Variants in NUP188 observed in about 807,000 individuals in gnomAD.
NUP188 encodes nucleoporin NUP188.
NUP188 carries 97 observed loss-of-function variants against 223.0 expected under a neutral mutation model. That is an observed-to-expected ratio of 0.43 (90% CI 0.37 to 0.51). The LOEUF (loss-of-function observed/expected upper bound fraction) is 0.51, where lower values mean the gene tolerates loss of function less well. Among genes scored for constraint, NUP188 ranks in the 20% least tolerant of loss-of-function variants. NUP188 has a pLI of 0.00. For synonymous variants in NUP188, 869 were observed against 828.0 expected, an observed-to-expected ratio of 1.05 and a Z score of -0.85; for missense variants, 1,947 against 2,175.6, an observed-to-expected ratio of 0.89 and a Z score of 2.09.
intron 21 of NUP188, 44 bp downstream of exon 21, chr9:128,986,722 C>T: frequency 6.2e-7 from 1 of 1,613,826 alleles, no homozygotes; most frequent in South Asian, 1.1e-5. Flanking sequence ...TTTCTGGCCC[C>T]ACTGGAGAGC....
At chr9:128,995,917 G>A (rs2131181710) in intron 30 of NUP188, among the ~76,000 whole-genome samples, 1 of 152,306 alleles carries the variant, frequency 6.6e-6, no homozygotes, top group Non-Finnish European at 1.5e-5. Context: ...AGCTGCAGCA[G>A]CACCCTCTCT....
At chr9:128,969,703 G>A (rs906490060) in intron 10 of NUP188, among the ~76,000 whole-genome samples, 189 bp downstream of exon 10, 4 of 152,182 alleles carry the variant, frequency 2.6e-5, no homozygotes, top group African/African-American at 9.6e-5. Context: ...CACCATGCTG[G>A]AATGCAGTGG....
chr9:129,006,013 C>G, intron 41 of NUP188, 37 bp from the exon 42 acceptor site: 1 of 1,609,508 alleles, frequency 6.2e-7, no homozygotes, highest in Non-Finnish European at 8.5e-7. Context: ...GGGAGCTGTT[C>G]CTGTTGTCTT....
At position 128,973,181 on chromosome 9, in the gene NUP188, A is replaced by G. The variant is rs752148727; in HGVS notation, c.1135A>G (p.Met379Val). ...CCAGTGCACCACCAGCACTGCATGC[A>G]TGTGTGTCTATGGACTGCTCTCTTT... ...GNDCTTSTACMCVYGLLSFVL... is the reference protein window; with the variant it reads ...GNDCTTSTACVCVYGLLSFVL... The change falls in exon 12 of 44, where the codon ATG becomes GTG. Residue 379 changes from methionine (M) to valine (V), a missense_variant. Physicochemically the swap from Met to Val is conservative, Grantham distance 21. Transcript: ENST00000372577. 112 of 1,613,356 alleles carry G rather than the reference A, an allele frequency of 6.9e-5. No individual in the cohort carries two copies. Among genetic ancestry groups the G allele is most frequent in the Non-Finnish European group, 9.4e-5 (111 of 1,179,640 alleles).
Position 129,003,415 on chromosome 9 carries a change from G to C in NUP188, c.4395G>C (p.Glu1465Asp). ...FILQLSNFMK[E>D]WHFHLPQLMR... ...TGCAGCTCTCTAACTTCATGAAGGA[G>C]TGGCACTTCCACCTGCCTCAGCTCA... Residue 1465 changes from glutamate to aspartate, a missense_variant, in exon 38 of 44, where the codon GAG (glutamate) becomes GAC (aspartate). This residue lies in a region of NUP188 where 905 missense variants were observed against 990.6 expected (regional missense o/e 0.91). Transcript: ENST00000372577. 6.2e-7 allele frequency: 1 copy of C among 1,612,990 alleles called. No individual in the cohort carries two copies. Among genetic ancestry groups the C allele is most frequent in the African/African-American group, 1.3e-5 (1 of 75,062 alleles).
intron 13 of NUP188, 97 bp from the exon 14 acceptor site, chr9:128,980,509 G>T (rs1588280776): frequency 7.9e-7 from 1 of 1,272,774 alleles, no homozygotes; most frequent in Non-Finnish European, 1.1e-6. Context: ...TAAAAGGAAG[G>T]ATTAATTCTA....
intron 3 of NUP188, 60 bp from the exon 4 acceptor site, chr9:128,956,290 T>G (rs1464518267): frequency 9.8e-7 from 1 of 1,017,982 alleles, no homozygotes; most frequent in Non-Finnish European, 1.4e-6. Flanking sequence ...TTAAAATATT[T>G]TTATTTTAAA....
intron 12 of NUP188, among the ~76,000 whole-genome samples, chr9:128,976,830 A>G (rs1323536704): frequency 6.6e-6 from 1 of 152,040 alleles, no homozygotes; most frequent in African/African-American, 2.4e-5. Context: ...TAATCCCAGC[A>G]CTTTCCGAGG....
At chr9:128,953,887 G>C (rs1196146688) in intron 3 of NUP188, among the ~76,000 whole-genome samples, 1 of 151,778 alleles carries the variant, frequency 6.6e-6, no homozygotes, top group Non-Finnish European at 1.5e-5. Flanking sequence ...CTGGAGTGCA[G>C]TGTCACATCT....
At chr9:128,994,662 G>C (rs1842488484) in intron 28 of NUP188, among the ~76,000 whole-genome samples, 194 bp from the exon 29 acceptor site, 1 of 152,224 alleles carries the variant, frequency 6.6e-6, no homozygotes. Flanking sequence ...TGGTGGCTCT[G>C]TGGTCTTCTC....
Position 128,987,774 on chromosome 9 carries a change from A to G in NUP188, c.2393+57A>G, listed in dbSNP as rs1564561668. On this transcript the variant is annotated intron_variant, in intron 23 of 43. Coordinates refer to ENST00000372577, the MANE Select transcript of NUP188 (RefSeq NM_015354.3). ...GTCTTTATTGTGCCTGCATGTTACT[A>G]ATAACTCCAGTTTAAGTTAACTTGC... The G allele has an allele frequency of 3.8e-6, 6 of 1,584,176 alleles. No individual in the cohort carries two copies. The East Asian group carries it at 1.3e-4, about 35-fold the overall frequency.
intron 36 of NUP188, among the ~76,000 whole-genome samples, chr9:129,002,586 C>T (rs746598668): frequency 3.9e-5 from 6 of 152,246 alleles, no homozygotes; most frequent in South Asian, 2.1e-4. Context: ...TCGCATAGCT[C>T]GTCAGTGGCA....
chr9:128,947,949 G>T (rs897847032), intron 1 of NUP188, 198 bp downstream of exon 1: 1 of 412,092 alleles, frequency 2.4e-6, no homozygotes, highest in Non-Finnish European at 4.2e-6. Flanking sequence ...TCTTCAGGAG[G>T]GGGGCCGGCT....
chr9:128,995,190 G>T, intron 29 of NUP188, 129 bp from the exon 30 acceptor site: 1 of 715,300 alleles, frequency 1.4e-6, no homozygotes, highest in Non-Finnish European at 2.4e-6. Flanking sequence ...CCACACGTTG[G>T]AGGTGTCCTG....
Position 128,987,647 on chromosome 9 carries a change from C to CA in NUP188, c.2324dup (p.Thr776AspfsTer14). ...CAGCCTGGCATACACAGAAGCAGGA[C>CA]AGACAGTTATCAATATCATGGGCAT... On this transcript the variant is annotated frameshift_variant, in exon 23 of 44. Coordinates refer to ENST00000372577, the MANE Select transcript of NUP188 (RefSeq NM_015354.3). LOFTEE classifies it high-confidence loss of function. 1 of 1,614,082 alleles carries CA rather than the reference C, an allele frequency of 6.2e-7. No individual in the cohort carries two copies. Among genetic ancestry groups the CA allele is most frequent in the Non-Finnish European group, 8.5e-7 (1 of 1,179,978 alleles).
At position 128,998,179 on chromosome 9, in the gene NUP188, T is replaced by C. The variant is rs1381017159; in HGVS notation, c.3380T>C (p.Val1127Ala). 1 of 1,613,906 alleles carries C rather than the reference T, an allele frequency of 6.2e-7. No individual in the cohort carries two copies. Among genetic ancestry groups the C allele is most frequent in the East Asian group, 2.2e-5 (1 of 44,900 alleles). ...HADIMHLTDS[V>A]VRRQLFLDVL... ...GATATAATGCACCTGACTGACTCTG[T>C]GGTGCGTCGCCAGCTCTTTCTTGAC... Residue 1127 changes from valine to alanine, a missense_variant, in exon 31 of 44, where the codon GTG becomes GCG. By Grantham distance (64) the Val-to-Ala change is moderately conservative. Around this residue, in one of 3 missense-constraint regions of NUP188, gnomAD observed 905 missense variants for 990.6 expected, o/e 0.91. Coordinates refer to ENST00000372577, the MANE Select transcript of NUP188 (RefSeq NM_015354.3).
intron 19 of NUP188, 81 bp from the exon 20 acceptor site, chr9:128,984,819 A>C: frequency 1.1e-6 from 1 of 895,064 alleles, no homozygotes; most frequent in Non-Finnish European, 1.8e-6. Flanking sequence ...CATCTAGACT[A>C]TAACAAGAAT....
At chr9:128,969,323 T>C in intron 9 of NUP188, 77 bp from the exon 10 acceptor site, 1 of 862,234 alleles carries the variant, frequency 1.2e-6, no homozygotes. Flanking sequence ...GATATCGCAG[T>C]GTCTTATATC....
At chr9:128,965,905 C>A (rs1564553410) in intron 8 of NUP188, among the ~76,000 whole-genome samples, 1 of 150,732 alleles carries the variant, frequency 6.6e-6, no homozygotes, top group Non-Finnish European at 1.5e-5. Flanking sequence ...TCAAATGATT[C>A]TCCTGCCTCA....
Sources: gnomAD v4.1 joint callset for allele counts (sites outside exome capture counted in the v4.1 genomes callset) on GRCh38, gnomAD v4.1.1 for gene constraint, gnomAD v4.1.1 regional missense constraint, MANE v1.5 for transcripts, NCBI Gene and HGNC (gene_info 2026-07-23, HGNC 2026-07-21) for gene names.